SYT1: variants seen among roughly 807,000 people sequenced by gnomAD.
The protein encoded by SYT1 is synaptotagmin 1, also known as synaptotagmin-1.
A neutral mutation model predicts 44.8 loss-of-function variants in SYT1; 8 were observed. The observed-to-expected ratio is 0.18, with a 90% confidence interval of 0.10 to 0.32. SYT1 has a LOEUF of 0.32. Ranked by LOEUF, SYT1 falls within the 10% of genes least tolerant of loss-of-function variation. SYT1 has a pLI of 1.00. For synonymous variants in SYT1, 154 were observed against 188.8 expected, an observed-to-expected ratio of 0.82 and a Z score of 1.51; for missense variants, 286 against 509.3, an observed-to-expected ratio of 0.56 and a Z score of 4.22.
intron 4 of SYT1, among the ~76,000 whole-genome samples, chr12:79,282,698 C>T (rs74110312): frequency 1.2e-3 from 177 of 152,026 alleles, no homozygotes; most frequent in African/African-American, 4.1e-3. Flanking sequence ...ATTTTTTCTC[C>T]GTATACATTT....
intron 2 of SYT1, among the ~76,000 whole-genome samples, chr12:79,028,297 C>A (rs1416880930): frequency 6.6e-6 from 1 of 151,374 alleles, no homozygotes; most frequent in Non-Finnish European, 1.5e-5. Context: ...TAAGCATAAT[C>A]TTCTCTTATG....
At chr12:79,183,475 T>C (rs1472831800) in intron 3 of SYT1, among the ~76,000 whole-genome samples, 1 of 152,146 alleles carries the variant, frequency 6.6e-6, no homozygotes, top group East Asian at 1.9e-4. Context: ...GTAATGCTGC[T>C]AAACATCCCA....
chr12:78,932,451 C>G (rs1280607616), intron 1 of SYT1, among the ~76,000 whole-genome samples: 1 of 152,064 alleles, frequency 6.6e-6, no homozygotes, highest in Non-Finnish European at 1.5e-5. Context: ...GTTATTTGTG[C>G]CTTCAAAATT....
chr12:78,872,134 G>A (rs1166968063), intron 1 of SYT1, among the ~76,000 whole-genome samples: 5 of 151,838 alleles, frequency 3.3e-5, no homozygotes, highest in African/African-American at 9.7e-5. Flanking sequence ...CTACATCTGA[G>A]CCTGATAATT....
intron 3 of SYT1, among the ~76,000 whole-genome samples, chr12:79,059,972 A>G (rs921892931): frequency 1.3e-5 from 2 of 152,124 alleles, no homozygotes; most frequent in Non-Finnish European, 2.9e-5. Flanking sequence ...GTGTAATGCT[A>G]AAACCTGTGC....
chr12:79,397,941 A>G (rs560330389), intron 9 of SYT1, among the ~76,000 whole-genome samples: 82 of 152,316 alleles, frequency 5.4e-4, no homozygotes, highest in African/African-American at 1.8e-3. Flanking sequence ...TGTGTTTCTC[A>G]GAAAATGTTG....
rs529863894 is a variant in SYT1, at chr12:79,019,266, G to A, written c.-83-28031G>A. ...TATATACAAATAATATTTCATTCATGAGTATTCTTTTAATGTCCTTCTTAA... is the reference window on the plus strand; with the variant it reads ...TATATACAAATAATATTTCATTCATAAGTATTCTTTTAATGTCCTTCTTAA... On this transcript the variant is annotated intron_variant, in intron 2 of 10. Transcript: ENST00000261205. 3.3e-5 allele frequency among the ~76,000 whole-genome samples: 5 copies of A among 152,082 alleles called. No homozygotes were observed. In the South Asian group the frequency reaches 1.0e-3, roughly 32 times the overall value.
At chr12:79,222,376 A>ATTTC (rs1555208599) in intron 4 of SYT1, among the ~76,000 whole-genome samples, 1 of 78,866 alleles carries the variant, frequency 1.3e-5, no homozygotes, top group Non-Finnish European at 2.6e-5. Context: ...TTATTTATTT[A>ATTTC]CTTTTTTTTT....
chr12:79,353,604 G>A lies in SYT1; in HGVS notation c.913G>A (p.Val305Met), dbSNP rs896963475. 3 of 1,613,642 alleles carry A rather than the reference G, an allele frequency of 1.9e-6. No homozygotes were observed. The highest frequency in any genetic ancestry group is 1.3e-5 in the African/African-American group (1 of 74,910). Residue 305 changes from valine to methionine, a missense_variant, in exon 9 of 11, where the codon GTG (valine) becomes ATG (methionine). By Grantham distance (21) the Val-to-Met change is conservative. This residue lies in a region of SYT1 where 15 missense variants were observed against 84.6 expected (regional missense o/e 0.18). Transcript: ENST00000261205. ...LEAKNLKKMD[V>M]GGLSDPYVKI... ...GGCAAAGAACCTGAAGAAGATGGATGTGGGTGGCTTATCCGGTAAGCCTGC... is the reference window on the plus strand; with the variant it reads ...GGCAAAGAACCTGAAGAAGATGGATATGGGTGGCTTATCCGGTAAGCCTGC...
chr12:78,946,134 G>A lies in SYT1; in HGVS notation c.-216-31665G>A, dbSNP rs574706564. ...GAGAATTCTTAAATAAAACTCCTTT[G>A]TTTTTATTTCAATAAAATGTCTTTT... On this transcript the variant is annotated intron_variant, in intron 1 of 10. Coordinates refer to ENST00000261205, the MANE Select transcript of SYT1 (RefSeq NM_005639.3). Among the ~76,000 whole-genome samples the A allele has an allele frequency of 2.0e-5, 3 of 152,154 alleles. No homozygotes were observed. The East Asian group carries it at 5.8e-4, about 29-fold the overall frequency.
chr12:78,989,487 T>A (rs1004221970), intron 2 of SYT1, among the ~76,000 whole-genome samples: 1 of 152,042 alleles, frequency 6.6e-6, no homozygotes, highest in South Asian at 2.1e-4. Context: ...GCCCCCCCGT[T>A]CCCAGACTTT....
At chr12:79,181,928 A>G (rs1438833145) in intron 3 of SYT1, among the ~76,000 whole-genome samples, 1 of 151,650 alleles carries the variant, frequency 6.6e-6, no homozygotes, top group Non-Finnish European at 1.5e-5. Context: ...CTCATCCTCC[A>G]TGCTCTTCCT....
intron 1 of SYT1, among the ~76,000 whole-genome samples, chr12:78,905,030 A>T (rs550450034): frequency 9.2e-5 from 14 of 152,240 alleles, no homozygotes; most frequent in African/African-American, 3.4e-4. Context: ...AAGATATCTC[A>T]TAAAACTGTA....
At chr12:78,922,441 A>G (rs1877059113) in intron 1 of SYT1, among the ~76,000 whole-genome samples, 2 of 151,676 alleles carry the variant, frequency 1.3e-5, no homozygotes, top group Admixed American at 6.6e-5. Flanking sequence ...TTTTAAATAT[A>G]TAATTTCTTA....
At chr12:79,034,712 C>T (rs1257003886) in intron 2 of SYT1, among the ~76,000 whole-genome samples, 2 of 151,680 alleles carry the variant, frequency 1.3e-5, no homozygotes, top group Non-Finnish European at 3.0e-5. Context: ...TAGCCTCCTC[C>T]AGTGAATCTC....
intron 3 of SYT1, among the ~76,000 whole-genome samples, chr12:79,217,277 T>A (rs1874864681): frequency 2.0e-5 from 3 of 152,198 alleles, no homozygotes; most frequent in African/African-American, 7.2e-5. Flanking sequence ...TGGAATAGAA[T>A]GCTATTCAGT....
At chr12:79,065,549 A>G (rs1299153195) in intron 3 of SYT1, among the ~76,000 whole-genome samples, 1 of 152,196 alleles carries the variant, frequency 6.6e-6, no homozygotes, top group African/African-American at 2.4e-5. Context: ...AAAATAATCT[A>G]TCCCAGTAAC....
chr12:79,284,896 A>T (rs1429962351), intron 4 of SYT1, among the ~76,000 whole-genome samples: 1 of 152,086 alleles, frequency 6.6e-6, no homozygotes, highest in African/African-American at 2.4e-5. Flanking sequence ...TATGTTCCAG[A>T]TGCATTAAAA....
intron 1 of SYT1, among the ~76,000 whole-genome samples, chr12:78,885,277 G>A (rs1270786496): frequency 6.7e-6 from 1 of 148,288 alleles, no homozygotes; most frequent in Non-Finnish European, 1.5e-5. Flanking sequence ...GGAAGGGAAG[G>A]AAGGAGGGAA....
Sources: gnomAD v4.1 joint callset for allele counts (sites outside exome capture counted in the v4.1 genomes callset) on GRCh38, gnomAD v4.1.1 for gene constraint, gnomAD v4.1.1 regional missense constraint, MANE v1.5 for transcripts, NCBI Gene and HGNC (gene_info 2026-07-23, HGNC 2026-07-21) for gene names.